The following DNAI4 variants were observed in gnomAD, a reference collection of about 807,000 sequenced individuals.
The protein encoded by DNAI4 is WD repeat domain 78.
In DNAI4, 85 loss-of-function variants were observed where a neutral mutation model predicts 105.8. That is an observed-to-expected ratio of 0.80 (90% confidence interval 0.67 to 0.96). The LOEUF (loss-of-function observed/expected upper bound fraction) is 0.96. DNAI4 is among the 40% of genes least tolerant of loss of function. DNAI4 has a pLI of 0.00. For missense variants in DNAI4, 1,014 were observed against 1,005.6 expected (o/e 1.01, Z -0.11); for synonymous variants, 352 against 331.5 (o/e 1.06, Z -0.67).
intron 4 of DNAI4, 120 bp from the exon 5 acceptor site, chr1:66,875,057 G>A (rs1646932808): frequency 9.4e-6 from 9 of 955,804 alleles, no homozygotes; most frequent in Non-Finnish European, 9.0e-6. Flanking sequence ...TATAGTCAAG[G>A]AACAGGCCAG....
intron 2 of DNAI4, among the ~76,000 whole-genome samples, chr1:66,898,026 C>T (rs2100801013): frequency 6.6e-6 from 1 of 152,200 alleles, no homozygotes; most frequent in Middle Eastern, 3.4e-3. Context: ...TCAGGGATGC[C>T]CAAGGCCCTG....
chr1:66,840,581 A>G lies in DNAI4; in HGVS notation c.1382T>C (p.Ile461Thr). 1 of 1,614,120 alleles carries G rather than the reference A, an allele frequency of 6.2e-7. No individual in the cohort carries two copies. The highest frequency in any genetic ancestry group is 1.1e-5 in the South Asian group (1 of 91,076). ...GGGTATTGTTGATTCTTCTGCATGT[A>G]TTTCTTCTTCCTCCTCCTTCTTAGA... ...EESKKEEEEE[I>T]HAEESTIPAN... The change falls in exon 9 of 17, where the codon ATA becomes ACA. Residue 461 changes from isoleucine to threonine, a missense_variant. Transcript: ENST00000371026.
At chr1:66,836,262 A>AAGAAAGAGAGAGAGAG (rs1646011254) in intron 10 of DNAI4, among the ~76,000 whole-genome samples, 1 of 11,716 alleles carries the variant, frequency 8.5e-5, no homozygotes, top group Admixed American at 9.3e-4. Flanking sequence ...GAGAGAAAGA[A>AAGAAAGAGAGAGAGAG]AGAAAGAAAG....
chr1:66,869,779 A>G lies in DNAI4; in HGVS notation c.940+1591T>C, dbSNP rs188505136. 3.0e-3 allele frequency among the ~76,000 whole-genome samples: 458 copies of G among 152,304 alleles called. 2 individuals are homozygous for G. Among genetic ancestry groups the G allele is most frequent in the Non-Finnish European group, 4.4e-3 (301 of 68,010 alleles). ...CCTAACAATGTTGAGTCCTCCCCCT[A>G]TAAAATTTATAGCATGGAGAAACCA... On this transcript the variant is annotated intron_variant, in intron 6 of 16. Coordinates refer to ENST00000371026, the MANE Select transcript of DNAI4 (RefSeq NM_024763.5).
At chr1:66,861,053 A>G (rs1386894663) in intron 7 of DNAI4, among the ~76,000 whole-genome samples, 1 of 152,196 alleles carries the variant, frequency 6.6e-6, no homozygotes, top group Non-Finnish European at 1.5e-5. Flanking sequence ...TAAGATTCAA[A>G]GAGACTAGAA....
chr1:66,914,038 C>T (rs1453876932), intron 1 of DNAI4, among the ~76,000 whole-genome samples: 3 of 150,736 alleles, frequency 2.0e-5, no homozygotes, highest in Non-Finnish European at 3.0e-5. Flanking sequence ...ACAGTGGAGT[C>T]CTGTCCACAA....
intron 16 of DNAI4, among the ~76,000 whole-genome samples, chr1:66,818,892 G>A (rs1323833502): frequency 2.0e-5 from 3 of 152,026 alleles, no homozygotes; most frequent in East Asian, 1.9e-4. Flanking sequence ...CAGCCTGGGC[G>A]ACAAGAGTGA....
At chr1:66,879,496 A>G (rs1257223567) in intron 4 of DNAI4, among the ~76,000 whole-genome samples, 1 of 152,088 alleles carries the variant, frequency 6.6e-6, no homozygotes, top group Non-Finnish European at 1.5e-5. Context: ...GAAACTTTTG[A>G]GTGGAGATTT....
intron 16 of DNAI4, among the ~76,000 whole-genome samples, chr1:66,821,835 A>G (rs1645633081): frequency 6.6e-6 from 1 of 152,146 alleles, no homozygotes; most frequent in Admixed American, 6.5e-5. Flanking sequence ...AAAATTTTAA[A>G]TTGAAAACTT....
chr1:66,924,753 C>T lies in DNAI4; in HGVS notation c.79G>A (p.Gly27Ser), dbSNP rs755617655. 1.2e-6 allele frequency: 2 copies of T among 1,614,116 alleles called. No individual in the cohort carries two copies. Among genetic ancestry groups the T allele is most frequent in the Non-Finnish European group, 1.7e-6 (2 of 1,180,008 alleles). Reference sequence around the variant, plus strand: ...GTGGTGCACCACCCCTTTTTTTGGCCGCCTCTGAAGTCCCTGTACCCCCAA... The same window carrying T: ...GTGGTGCACCACCCCTTTTTTTGGCTGCCTCTGAAGTCCCTGTACCCCCAA... Reference protein sequence around the residue: ...GAWGYRDFRGGQKKGWCTTPQ... With the variant: ...GAWGYRDFRGSQKKGWCTTPQ... The change falls in exon 1 of 17, where the codon GGC becomes AGC. Residue 27 changes from glycine to serine, a missense_variant. By Grantham distance (56) the Gly-to-Ser change is moderately conservative (BLOSUM62 0). Transcript: ENST00000371026.
intron 3 of DNAI4, among the ~76,000 whole-genome samples, 166 bp downstream of exon 3, chr1:66,893,063 G>GAGAGAGAGAGAGAAAGAA (rs879150798): frequency 2.2e-5 from 2 of 89,534 alleles, no homozygotes; most frequent in African/African-American, 9.8e-5. Flanking sequence ...AAGAGAGAGA[G>GAGAGAGAGAGAGAAAGAA]AGAAAGAAAG....
chr1:66,853,765 T>C (rs1487165060), intron 7 of DNAI4, among the ~76,000 whole-genome samples: 3 of 152,214 alleles, frequency 2.0e-5, no homozygotes, highest in Admixed American at 6.5e-5. Flanking sequence ...GGTAACATTA[T>C]ACCTCATGCA....
intron 4 of DNAI4, among the ~76,000 whole-genome samples, chr1:66,886,744 A>G (rs958316180): frequency 6.6e-6 from 1 of 152,254 alleles, no homozygotes; most frequent in Admixed American, 6.5e-5. Flanking sequence ...TCACAAGTAT[A>G]TCTATTCCTA....
intron 6 of DNAI4, among the ~76,000 whole-genome samples, chr1:66,864,533 C>T (rs1039811034): frequency 6.6e-6 from 1 of 152,180 alleles, no homozygotes; most frequent in African/African-American, 2.4e-5. Context: ...GTTACAGCAT[C>T]TGCTATAAAA....
chr1:66,924,792 CGGCTCGGGCCGAGGCT>C lies in DNAI4; in HGVS notation c.24_39del (p.Ala9LeufsTer44). 6.2e-7 allele frequency: 1 copy of C among 1,614,160 alleles called. No homozygotes were observed. The highest frequency in any genetic ancestry group is 1.1e-5 in the South Asian group (1 of 91,082). ...CTGTACCCCCAAGCTCCTCCGTTAG[CGGCTCGGGCCGAGGCT>C]CCGGAATGTTTGCCGGGCGTCATGG... On this transcript the variant is annotated frameshift_variant, in exon 1 of 17. Transcript: ENST00000371026. LOFTEE classifies it high-confidence loss of function.
intron 1 of DNAI4, among the ~76,000 whole-genome samples, chr1:66,917,804 A>C (rs565537464): frequency 6.6e-6 from 1 of 152,372 alleles, no homozygotes; most frequent in Non-Finnish European, 1.5e-5. Flanking sequence ...AATTCGTAAC[A>C]GGATACAATT....
chr1:66,924,606 A>AG, intron 1 of DNAI4, 56 bp downstream of exon 1: 1 of 1,612,196 alleles, frequency 6.2e-7, no homozygotes, highest in Non-Finnish European at 8.5e-7. Flanking sequence ...TATTAATAGA[A>AG]GGGCTCCCTC....
intron 2 of DNAI4, among the ~76,000 whole-genome samples, chr1:66,897,694 G>A (rs551166547): frequency 6.6e-6 from 1 of 152,294 alleles, no homozygotes; most frequent in South Asian, 2.1e-4. Context: ...ACCCCCATTG[G>A]GGCTGTGCCC....
intron 16 of DNAI4, among the ~76,000 whole-genome samples, chr1:66,816,415 A>T (rs1645516140): frequency 6.6e-6 from 1 of 152,100 alleles, no homozygotes. Context: ...ATAGGTCATA[A>T]TGTTACTTGA....
Sources: gnomAD v4.1 joint callset for allele counts (sites outside exome capture counted in the v4.1 genomes callset) on GRCh38, gnomAD v4.1.1 for gene constraint, MANE v1.5 for transcripts, NCBI Gene and HGNC (gene_info 2026-07-23, HGNC 2026-07-21) for gene names.